The following CDK11A variants were observed in gnomAD, a reference collection of about 807,000 sequenced individuals.
CDK11A encodes the protein cyclin-dependent kinase 11A.
A neutral mutation model predicts 83.6 loss-of-function variants in CDK11A; 55 were observed. The ratio of observed to expected loss-of-function variants is 0.66; its 90% confidence interval spans 0.53 to 0.82. The LOEUF is 0.82. Ranked by LOEUF, CDK11A falls within the 40% of genes least tolerant of loss-of-function variation. The probability of loss-of-function intolerance (pLI) is 0.00; values close to 1 mark genes in which losing one functional copy is unlikely to be tolerated. For synonymous variants in CDK11A, 247 were observed against 302.7 expected, an observed-to-expected ratio of 0.82 and a Z score of 1.91; for missense variants, 564 against 810.1, an observed-to-expected ratio of 0.70 and a Z score of 3.69.
chr1:1,704,442 G>A (rs1407916673), intron 14 of CDK11A, 98 bp from the exon 15 acceptor site: 2 of 1,549,586 alleles, frequency 1.3e-6, no homozygotes, highest in East Asian at 2.4e-5. Flanking sequence ...GCTTCTCAGG[G>A]CTTTCCCTGT....
rs776397112 is a variant in CDK11A, at chr1:1,704,165, G to A, written c.1687-19C>T. The A allele has an allele frequency of 5.7e-5, 92 of 1,607,216 alleles. 3 individuals carry two copies. The highest frequency in any genetic ancestry group is 7.6e-5 in the Non-Finnish European group (89 of 1,176,030). ...CACCCACCTGCAACGACAGATGGGCGGCTGTGGGTGGGCCTGGGCGGGTCA... is the reference window on the plus strand; with the variant it reads ...CACCCACCTGCAACGACAGATGGGCAGCTGTGGGTGGGCCTGGGCGGGTCA... On this transcript the variant is annotated intron_variant, in intron 15 of 19. Transcript: ENST00000404249.
Position 1,707,066 on chromosome 1 carries a change from C to T in CDK11A, c.1245+343G>A, listed in dbSNP as rs1250099265. On this transcript the variant is annotated intron_variant, in intron 11 of 19. Coordinates refer to ENST00000404249, the MANE Select transcript of CDK11A (RefSeq NM_024011.4). Reference sequence around the variant, plus strand: ...AACAAGGCCTTGGTGCCTACATAACCCGCCCACGCAGGGGTCAAGTGGAAG... The same window carrying T: ...AACAAGGCCTTGGTGCCTACATAACTCGCCCACGCAGGGGTCAAGTGGAAG... Among the ~76,000 whole-genome samples the T allele has an allele frequency of 9.1e-5, 13 of 143,258 alleles. 1 individual carries two copies. Among genetic ancestry groups the T allele is most frequent in the South Asian group, 4.6e-4 (2 of 4,336 alleles). 94.0% of individuals were successfully genotyped at this position (143,258 alleles called of 152,430 possible). A position where few individuals can be genotyped will look rare whatever the true frequency, so the allele number is the denominator to read the frequency against.
At chr1:1,721,993 T>C in intron 2 of CDK11A, 1 of 284,760 alleles carries the variant, frequency 3.5e-6, no homozygotes, top group Non-Finnish European at 6.8e-6. Context: ...CTACTAAAAA[T>C]ACAAAAAATT....
At chr1:1,704,833 C>T (rs758847743) in intron 13 of CDK11A, 71 bp downstream of exon 13, 13 of 1,605,492 alleles carry the variant, frequency 8.1e-6, no homozygotes, top group Non-Finnish European at 1.1e-5. Context: ...AAGCACCCGG[C>T]CCCAGGACAG....
chr1:1,719,561 A>T (rs1233878097), intron 3 of CDK11A, 106 bp from the exon 4 acceptor site: 1 of 859,134 alleles, frequency 1.2e-6, no homozygotes, highest in South Asian at 3.4e-5. Flanking sequence ...TTCAGATAGG[A>T]ACGAAGCTGA....
chr1:1,710,680 T>G (rs904237208), intron 6 of CDK11A, among the ~76,000 whole-genome samples: 17 of 150,780 alleles, frequency 1.1e-4, no homozygotes, highest in Non-Finnish European at 1.8e-4. Flanking sequence ...AGACAAAGAT[T>G]TTAGGGAACT....
chr1:1,708,411 C>A (rs1378537515), intron 9 of CDK11A, among the ~76,000 whole-genome samples, 166 bp from the exon 10 acceptor site: 1 of 149,762 alleles, frequency 6.7e-6, no homozygotes, highest in Non-Finnish European at 1.5e-5. Flanking sequence ...GAGGCCGAGG[C>A]GGGTGGATCA....
chr1:1,723,528 AATG>A (rs1644993336), intron 1 of CDK11A, among the ~76,000 whole-genome samples: 1 of 63,094 alleles, frequency 1.6e-5, no homozygotes, highest in African/African-American at 3.6e-5. Context: ...AAAAAACAAG[AATG>A]ATAAGTTGTA....
chr1:1,704,419 G>C, intron 14 of CDK11A, 75 bp from the exon 15 acceptor site: 3 of 1,575,246 alleles, frequency 1.9e-6, no homozygotes, highest in South Asian at 1.1e-5. Flanking sequence ...CGCTCGCCTC[G>C]GCAGCAACAG....
At position 1,704,236 on chromosome 1, in the gene CDK11A, G is replaced by C; in HGVS notation, c.1673C>G (p.Ala558Gly). Reference sequence around the variant, plus strand: ...AGGGGGGCTCACCTTGAGGATGCCGGCGTGGCTCAGCAGCAGGTTGGACGT... The same window carrying C: ...AGGGGGGCTCACCTTGAGGATGCCGCCGTGGCTCAGCAGCAGGTTGGACGT... Reference protein sequence around the residue: ...LKTSNLLLSHAGILKVGDFGL... With the variant: ...LKTSNLLLSHGGILKVGDFGL... The change falls in exon 15 of 20, where the codon GCC becomes GGC. Residue 558 changes from alanine (A) to glycine (G), a missense_variant. Around this residue, in one of 5 missense-constraint regions of CDK11A, gnomAD observed 361 missense variants for 402.7 expected, o/e 0.90. Coordinates refer to ENST00000404249, the MANE Select transcript of CDK11A (RefSeq NM_024011.4). 4.4e-6 allele frequency: 7 copies of C among 1,608,480 alleles called. 2 individuals carry two copies. The highest frequency in any genetic ancestry group is 3.4e-6 in the Non-Finnish European group (4 of 1,176,756).
chr1:1,720,888 C>T (rs1644880602), intron 3 of CDK11A, among the ~76,000 whole-genome samples: 1 of 151,158 alleles, frequency 6.6e-6, no homozygotes, highest in Non-Finnish European at 1.5e-5. Context: ...GACAGGCTTT[C>T]ACCAGTAACC....
rs1644158325 is a variant in CDK11A at position 1,703,372 on chromosome 1, C to T, written c.2061-103G>A. The T allele has an allele frequency of 1.0e-5, 10 of 997,814 alleles. 1 individual carries two copies. Among genetic ancestry groups the T allele is most frequent in the South Asian group, 3.4e-5 (2 of 59,038 alleles). The allele number at this position is 997,814 out of a possible 1,614,324, so 61.8% of individuals were successfully genotyped here. ...GGGGCTCAGGGCATGGGACGCCAGG[C>T]ACCAGAGCAGTTCTGGAACGTGGTG... On this transcript the variant is annotated intron_variant, in intron 18 of 19. Coordinates refer to ENST00000404249, the MANE Select transcript of CDK11A (RefSeq NM_024011.4).
rs986903475 is a variant in CDK11A at position 1,706,852 on chromosome 1, AGGGGGCCGAGTC to A, written c.1245+545_1245+556del. Among the ~76,000 whole-genome samples the A allele has an allele frequency of 6.7e-5, 10 of 149,966 alleles. 1 individual carries two copies. In the East Asian group the frequency reaches 9.8e-4, roughly 15 times the overall value. On this transcript the variant is annotated intron_variant, in intron 11 of 19. Transcript: ENST00000404249. ...ACCTCTCCGCCCACAGGCACCAAGG[AGGGGGCCGAGTC>A]CCTGCCGGTCTCCCAGGCCCCCGAG...
At chr1:1,716,541 C>CGGTGG (rs950802021) in intron 4 of CDK11A, 63 bp from the exon 5 acceptor site, 2 of 1,535,166 alleles carry the variant, frequency 1.3e-6, no homozygotes, top group African/African-American at 2.7e-5. Context: ...AGGCCGGGCA[C>CGGTGG]GGTGGCTTAC....
intron 6 of CDK11A, among the ~76,000 whole-genome samples, 178 bp downstream of exon 6, chr1:1,712,086 C>A (rs1311553998): frequency 9.9e-6 from 1 of 101,050 alleles, no homozygotes; most frequent in African/African-American, 3.0e-5. Context: ...GCCGAGATCG[C>A]GCCACCGCAC....
chr1:1,716,320 G>T, intron 5 of CDK11A, 26 bp downstream of exon 5: 2 of 1,605,188 alleles, frequency 1.2e-6, no homozygotes, highest in Non-Finnish European at 1.7e-6. Flanking sequence ...CTTTCATAAA[G>T]TCCTCAACTG....
chr1:1,714,902 C>G (rs1644581191), intron 5 of CDK11A, among the ~76,000 whole-genome samples: 1 of 149,092 alleles, frequency 6.7e-6, no homozygotes, highest in African/African-American at 2.5e-5. Flanking sequence ...TGCTCCCAAC[C>G]ACACTGTACT....
intron 11 of CDK11A, 51 bp from the exon 12 acceptor site, chr1:1,705,783 G>T (rs1435358160): frequency 5.8e-6 from 3 of 516,518 alleles, no homozygotes; most frequent in Admixed American, 2.9e-5. Flanking sequence ...CAGCTGGAGG[G>T]AGGGCGGCTG....
At chr1:1,722,649 A>T in intron 2 of CDK11A, 59 bp downstream of exon 2, 3 of 1,349,230 alleles carry the variant, frequency 2.2e-6, no homozygotes, top group Non-Finnish European at 3.1e-6. Flanking sequence ...TGGAAAAATG[A>T]GGGCAAAGAA....
Sources: allele counts gnomAD v4.1 joint callset (sites outside exome capture counted in the v4.1 genomes callset), GRCh38; gene constraint gnomAD v4.1.1; regional missense constraint gnomAD v4.1.1; transcripts MANE v1.5; gene names NCBI Gene and HGNC (gene_info 2026-07-23, HGNC 2026-07-21).